OTUD4: variants seen among roughly 807,000 people sequenced by gnomAD.
OTUD4 encodes OTU domain-containing protein 4.
OTUD4 carries 24 observed loss-of-function variants against 130.4 expected under a neutral mutation model. The ratio of observed to expected loss-of-function variants is 0.18; its 90% confidence interval spans 0.13 to 0.26. OTUD4 has a LOEUF of 0.26. Among genes scored for constraint, OTUD4 ranks in the 10% least tolerant of loss-of-function variants. The pLI, the probability that OTUD4 is intolerant of heterozygous loss-of-function variation, is 1.00. For missense variants in OTUD4, 1,031 were observed against 1,329.4 expected (o/e 0.78, Z 3.49); for synonymous variants, 420 against 472.5 (o/e 0.89, Z 1.44).
chr4:145,142,050 A>C, intron 18 of OTUD4, 146 bp downstream of exon 18: 1 of 700,200 alleles, frequency 1.4e-6, no homozygotes, highest in East Asian at 2.5e-5. Flanking sequence ...CCACATTGGA[A>C]GCAGAGCAAA....
At chr4:145,150,308 C>T (rs924689003) in intron 13 of OTUD4, among the ~76,000 whole-genome samples, 1 of 152,154 alleles carries the variant, frequency 6.6e-6, no homozygotes, top group Admixed American at 6.5e-5. Context: ...AAATAAAGGT[C>T]TCTCTATATA....
rs1326129855 is a variant in OTUD4 at position 145,137,158 on chromosome 4, A to C, written c.*272T>G. On this transcript the variant is annotated 3_prime_UTR_variant, in exon 21 of 21. Transcript: ENST00000447906. ...GTTTTATATTAAGCTGTTTATAAAAAATACTTTAACAAACTTATCTTCTAC... is the reference window on the plus strand; with the variant it reads ...GTTTTATATTAAGCTGTTTATAAAACATACTTTAACAAACTTATCTTCTAC... The C allele has an allele frequency of 3.1e-5, 10 of 323,564 alleles. No homozygotes were observed. Among genetic ancestry groups the C allele is most frequent in the Non-Finnish European group, 4.5e-5 (8 of 177,354 alleles). 20.0% of individuals were successfully genotyped at this position (323,564 alleles called of 1,614,324 possible). A position where few individuals can be genotyped will look rare whatever the true frequency, so the allele number is the denominator to read the frequency against.
At position 145,143,390 on chromosome 4, in the gene OTUD4, A is replaced by G; in HGVS notation, c.1658T>C (p.Leu553Ser). 6.2e-7 allele frequency: 1 copy of G among 1,609,980 alleles called. No individual in the cohort carries two copies. The highest frequency in any genetic ancestry group is 2.2e-5 in the East Asian group (1 of 44,780). Reference sequence around the variant, plus strand: ...TTGTTCCGCAGGAGAAGGGCACTCTAACTTCTTTGACTTTGATGGTGATGA... The same window carrying G: ...TTGTTCCGCAGGAGAAGGGCACTCTGACTTCTTTGACTTTGATGGTGATGA... The part of the protein sequence containing the change: ...TVSSPSKSKK[L>S]ECPSPAEQKP... The change falls in exon 17 of 21, where the codon TTA becomes TCA. Residue 553 changes from leucine (L) to serine (S), a missense_variant. Leu to Ser is a moderately radical substitution (Grantham distance 145). Transcript: ENST00000447906.
In OTUD4 at chr4:145,134,062, A is replaced by G. The variant is rs959718631; in HGVS notation, c.*3368T>C. The G allele has an allele frequency of 4.6e-5, 7 of 152,632 alleles. No individual in the cohort carries two copies. The highest frequency in any genetic ancestry group is 2.0e-4 in the Admixed American group (3 of 15,278). 9.5% of individuals were successfully genotyped at this position (152,632 alleles called of 1,614,324 possible). A position where few individuals can be genotyped will look rare whatever the true frequency, so the allele number is the denominator to read the frequency against. On this transcript the variant is annotated 3_prime_UTR_variant, in exon 21 of 21. Transcript: ENST00000447906. ...CCCAAAGTTGCCGCTTCCCAGCATT[A>G]AGACATGCACCCACCCCTCTTCTAA...
rs562639974 is a variant in OTUD4 at position 145,143,356 on chromosome 4, T to C, written c.1683+9A>G. ...GAGCATTCAATGTTAAATGCAACAA[T>C]ATACTTACTTGTTCCGCAGGAGAAG... On this transcript the variant is annotated intron_variant, in intron 17 of 20. Transcript: ENST00000447906. 3.9e-6 allele frequency: 6 copies of C among 1,551,620 alleles called. No individual in the cohort carries two copies. The East Asian group carries it at 9.0e-5, about 23-fold the overall frequency.
chr4:145,178,474 C>G (rs991151104), intron 1 of OTUD4: 5 of 152,310 alleles, frequency 3.3e-5, no homozygotes, highest in Admixed American at 2.6e-4. Flanking sequence ...GCAGGACAGA[C>G]AGAGATTCAG....
Position 145,159,588 on chromosome 4 carries a change from T to C in OTUD4, c.544A>G (p.Ser182Gly). 6.2e-7 allele frequency: 1 copy of C among 1,613,206 alleles called. No individual in the cohort carries two copies. The highest frequency in any genetic ancestry group is 8.5e-7 in the Non-Finnish European group (1 of 1,179,290). ...LYEKVFKTDVSKIVMELDTLE... is the reference protein window; with the variant it reads ...LYEKVFKTDVGKIVMELDTLE... ...GTGTCTAGTTCCATCACAATTTTAC[T>C]AACATCAGTTTTAAATACCTTCTCA... The change falls in exon 7 of 21, where the codon AGT becomes GGT. Residue 182 changes from serine (S) to glycine (G), a missense_variant. Around this residue, in one of 3 missense-constraint regions of OTUD4, gnomAD observed 900 missense variants for 1,095.9 expected, o/e 0.82. Coordinates refer to ENST00000447906, the MANE Select transcript of OTUD4 (RefSeq NM_001366057.1).
At position 145,135,002 on chromosome 4, in the gene OTUD4, G is replaced by A. The variant is rs201438684; in HGVS notation, c.*2428C>T. The A allele has an allele frequency of 2.2e-4, 84 of 390,600 alleles. No individual in the cohort carries two copies. Among genetic ancestry groups the A allele is most frequent in the East Asian group, 9.8e-4 (27 of 27,432 alleles). The allele number at this position is 390,600 out of a possible 1,614,324, so 24.2% of individuals were successfully genotyped here. A position where few individuals can be genotyped will look rare whatever the true frequency, so the allele number is the denominator to read the frequency against. On this transcript the variant is annotated 3_prime_UTR_variant, in exon 21 of 21. Coordinates refer to ENST00000447906, the MANE Select transcript of OTUD4 (RefSeq NM_001366057.1). ...AACAGTATGACATAACAGTTAAAAT[G>A]AAGGACAAAAGCTTGCTTATCCTTA...
intron 13 of OTUD4, among the ~76,000 whole-genome samples, chr4:145,148,298 G>A (rs557471907): frequency 1.9e-4 from 29 of 152,160 alleles, no homozygotes; most frequent in Non-Finnish European, 3.1e-4. Flanking sequence ...TCAGGAGTTC[G>A]AGACCAGCCT....
chr4:145,179,020 T>G (rs1354596730), intron 1 of OTUD4, among the ~76,000 whole-genome samples: 1 of 151,918 alleles, frequency 6.6e-6, no homozygotes, highest in Non-Finnish European at 1.5e-5. Context: ...TTTTGGTGAC[T>G]GCACACCTAC....
intron 6 of OTUD4, among the ~76,000 whole-genome samples, chr4:145,161,592 G>A (rs1204442512): frequency 6.6e-6 from 1 of 152,280 alleles, no homozygotes; most frequent in Non-Finnish European, 1.5e-5. Flanking sequence ...AGGGCAAAGG[G>A]AATTCATATG....
intron 7 of OTUD4, among the ~76,000 whole-genome samples, chr4:145,157,825 G>A (rs1751367691): frequency 6.6e-6 from 1 of 151,998 alleles, no homozygotes; most frequent in Non-Finnish European, 1.5e-5. Flanking sequence ...TACCTTCTCT[G>A]GTAAACTTCT....
At chr4:145,171,320 CAAAAA>C (rs111725395) in intron 3 of OTUD4, 1 of 136,670 alleles carries the variant, frequency 7.3e-6, no homozygotes, top group Non-Finnish European at 1.5e-5. Context: ...AATTCCACCT[CAAAAA>C]AAAAAAAAAA....
Position 145,136,790 on chromosome 4 carries a change from A to G in OTUD4, c.*640T>C, listed in dbSNP as rs1210500974. 4 of 152,640 alleles carry G rather than the reference A, an allele frequency of 2.6e-5. No homozygotes were observed. Among genetic ancestry groups the G allele is most frequent in the Non-Finnish European group, 5.9e-5 (4 of 68,034 alleles). 9.5% of individuals were successfully genotyped at this position (152,640 alleles called of 1,614,324 possible). A position where few individuals can be genotyped will look rare whatever the true frequency, so the allele number is the denominator to read the frequency against. ...CTTATGAATATTAAAAGAACTATAT[A>G]CAACATTGCTAAGACACAGTTAATA... is the stretch of plus-strand genomic sequence containing the variant. On this transcript the variant is annotated 3_prime_UTR_variant, in exon 21 of 21. Transcript: ENST00000447906.
chr4:145,151,269 A>T (rs1300799285), intron 11 of OTUD4, among the ~76,000 whole-genome samples: 1 of 152,204 alleles, frequency 6.6e-6, no homozygotes, highest in Non-Finnish European at 1.5e-5. Context: ...AAATGGTGTG[A>T]TGTTTGGATT....
Position 145,135,168 on chromosome 4 carries a change from G to A in OTUD4, c.*2262C>T, listed in dbSNP as rs1804528. The A allele has an allele frequency of 0.3, 72,596 of 244,642 alleles. 12,913 individuals carry two copies. Among genetic ancestry groups the A allele is most frequent in the Non-Finnish European group, 0.38 (48,606 of 129,030 alleles). 15.2% of individuals were successfully genotyped at this position (244,642 alleles called of 1,614,324 possible). A position where few individuals can be genotyped will look rare whatever the true frequency, so the allele number is the denominator to read the frequency against. On this transcript the variant is annotated 3_prime_UTR_variant, in exon 21 of 21. Transcript: ENST00000447906. ...CAGTTCTTTTATTCCAGAGGTCACT[G>A]AGAAAAGTACCATCTGCTAAAATTC...
At position 145,176,414 on chromosome 4, in the gene OTUD4, T is replaced by G. The variant is rs187020273; in HGVS notation, c.160-1670A>C. ...AAAGTTACAGATCCTGGCCGGGCACTGTGGCTCACGCCTGTAATCCCAGCA... is the reference window on the plus strand; with the variant it reads ...AAAGTTACAGATCCTGGCCGGGCACGGTGGCTCACGCCTGTAATCCCAGCA... On this transcript the variant is annotated intron_variant, in intron 1 of 20. Transcript: ENST00000447906. 4.4e-3 allele frequency among the ~76,000 whole-genome samples: 667 copies of G among 151,426 alleles called. 3 individuals are homozygous for G. The highest frequency in any genetic ancestry group is 0.015 in the African/African-American group (611 of 41,348).
rs746268974 is a variant in OTUD4, at chr4:145,174,727, A to C, written c.177T>G (p.Ser59=). The C allele has an allele frequency of 6.2e-7, 1 of 1,605,830 alleles. No homozygotes were observed. The highest frequency in any genetic ancestry group is 8.5e-7 in the Non-Finnish European group (1 of 1,172,546). The change falls in exon 2 of 21, where the codon TCT becomes TCG. Residue 59 remains serine (S), a synonymous_variant. Coordinates refer to ENST00000447906, the MANE Select transcript of OTUD4 (RefSeq NM_001366057.1). ...AVAEQVLHSQ[S]RHVEVRMACI... ...AGGCCATTCTGACTTCAACATGGCGAGACTGAGAGTGCAATACCTAAAAAG... is the reference window on the plus strand; with the variant it reads ...AGGCCATTCTGACTTCAACATGGCGCGACTGAGAGTGCAATACCTAAAAAG...
intron 13 of OTUD4, among the ~76,000 whole-genome samples, chr4:145,147,610 C>A (rs1750886283): frequency 6.6e-6 from 1 of 152,180 alleles, no homozygotes; most frequent in Non-Finnish European, 1.5e-5. Flanking sequence ...GACAGATATT[C>A]AGCCACAGTA....
Sources: gnomAD v4.1 joint callset for allele counts (sites outside exome capture counted in the v4.1 genomes callset) on GRCh38, gnomAD v4.1.1 for gene constraint, gnomAD v4.1.1 regional missense constraint, MANE v1.5 for transcripts, NCBI Gene and HGNC (gene_info 2026-07-23, HGNC 2026-07-21) for gene names.